PTPRA: variants seen among roughly 807,000 people sequenced by gnomAD.
PTPRA encodes receptor-type tyrosine-protein phosphatase alpha.
PTPRA carries 25 observed loss-of-function variants against 104.8 expected under a neutral mutation model. The ratio of observed to expected loss-of-function variants is 0.24; its 90% CI spans 0.17 to 0.33. The LOEUF is 0.33. PTPRA is among the 10% of genes least tolerant of loss of function. The pLI, the probability that PTPRA is intolerant of heterozygous loss-of-function variation, is 1.00. For missense variants in PTPRA, 765 were observed against 1,015.3 expected (o/e 0.75, Z 3.35); for synonymous variants, 323 against 368.9 (o/e 0.88, Z 1.43).
intron 5 of PTPRA, among the ~76,000 whole-genome samples, chr20:2,974,429 A>AT (rs201543217): frequency 0.089 from 12,255 of 137,476 alleles, 1,190 homozygotes; most frequent in African/African-American, 0.24. Flanking sequence ...TTTGGTTTTG[A>AT]TTTTTTTTTT....
intron 1 of PTPRA, among the ~76,000 whole-genome samples, chr20:2,882,324 C>T (rs1205985916): frequency 1.3e-4 from 15 of 116,906 alleles, no homozygotes; most frequent in African/African-American, 1.8e-4. Flanking sequence ...CAGTTTTGTT[C>T]TGTCACCCAG....
At chr20:2,972,528 C>G (rs1440199388) in intron 5 of PTPRA, among the ~76,000 whole-genome samples, 1 of 152,186 alleles carries the variant, frequency 6.6e-6, no homozygotes, top group Non-Finnish European at 1.5e-5. Flanking sequence ...CTGTAACAAG[C>G]TGTTGCAGTC....
At chr20:2,897,929 T>G (rs1215307448) in intron 1 of PTPRA, among the ~76,000 whole-genome samples, 1 of 132,324 alleles carries the variant, frequency 7.6e-6, no homozygotes. Flanking sequence ...TTTTTTTTTT[T>G]GAGACAGAGT....
chr20:2,926,769 C>CTTTTTTTTTTTCTTTTTTTTT (rs2060312069), intron 2 of PTPRA, among the ~76,000 whole-genome samples: 1 of 85,020 alleles, frequency 1.2e-5, no homozygotes. Flanking sequence ...TTTCCTTTTC[C>CTTTTTTTTTTTCTTTTTTTTT]TTTTTTTTTT....
At chr20:2,908,879 AAC>A (rs1487968076) in intron 1 of PTPRA, among the ~76,000 whole-genome samples, 1 of 152,240 alleles carries the variant, frequency 6.6e-6, no homozygotes, top group African/African-American at 2.4e-5. Flanking sequence ...AGTTACTGAT[AAC>A]AGTTATGCAT....
chr20:2,989,159 G>A (rs548702228), intron 9 of PTPRA, among the ~76,000 whole-genome samples: 1 of 152,354 alleles, frequency 6.6e-6, no homozygotes, highest in South Asian at 2.1e-4. Context: ...CTTCTGGCCA[G>A]CACGGTGACT....
chr20:2,973,133 C>CT (rs200708559), intron 5 of PTPRA, among the ~76,000 whole-genome samples: 10,937 of 144,420 alleles, frequency 0.076, 517 homozygotes, highest in Admixed American at 0.12. Flanking sequence ...TTTATGTCTC[C>CT]TTTTTTTTTT....
chr20:2,867,495 C>A, the PTPRA span, among the ~76,000 whole-genome samples: 1 of 102,912 alleles, frequency 9.7e-6, no homozygotes, highest in African/African-American at 5.0e-5. Context: ...CTCCAGTGCA[C>A]CCCCTCTGCT....
At chr20:2,933,331 T>G (rs1012876850) in intron 2 of PTPRA, among the ~76,000 whole-genome samples, 4 of 152,214 alleles carry the variant, frequency 2.6e-5, no homozygotes, top group Admixed American at 2.0e-4. Context: ...TGGTTGTGTT[T>G]GTACTTACTA....
At chr20:3,020,194 C>T (rs1026714073) in intron 13 of PTPRA, among the ~76,000 whole-genome samples, 4 of 152,130 alleles carry the variant, frequency 2.6e-5, no homozygotes, top group South Asian at 2.1e-4. Flanking sequence ...CTGCAAGCTC[C>T]GCCTCCCGGG....
intron 1 of PTPRA, among the ~76,000 whole-genome samples, chr20:2,900,858 A>G: frequency 1.3e-5 from 1 of 75,988 alleles, no homozygotes; most frequent in South Asian, 6.4e-4. Context: ...ACTCCATCTC[A>G]AAAAAAAAAA....
intron 9 of PTPRA, among the ~76,000 whole-genome samples, chr20:2,991,341 G>GA: frequency 6.6e-6 from 1 of 151,414 alleles, no homozygotes; most frequent in African/African-American, 2.4e-5. Context: ...CTCCAGCCTG[G>GA]GCGACAAGAG....
chr20:2,966,612 T>G lies in PTPRA; in HGVS notation c.415+1410T>G, dbSNP rs141191570. Among the ~76,000 whole-genome samples, 850 of 152,354 alleles carry G rather than the reference T, an allele frequency of 5.6e-3. 7 individuals are homozygous for G. The highest frequency in any genetic ancestry group is 0.019 in the African/African-American group (792 of 41,578). On this transcript the variant is annotated intron_variant, in intron 5 of 23. Transcript: ENST00000399903. ...TTTGTGCTTTAGAGTTAATGTAGTT[T>G]TGTCATAGTTATTACTGTGTGCTAG...
intron 3 of PTPRA, among the ~76,000 whole-genome samples, chr20:2,958,076 A>G (rs2061602665): frequency 6.6e-6 from 1 of 152,150 alleles, no homozygotes; most frequent in South Asian, 2.1e-4. Flanking sequence ...GAATGATTGA[A>G]CTGACACCAA....
At chr20:2,975,847 A>AAG (rs575439324) in intron 6 of PTPRA, among the ~76,000 whole-genome samples, 216 of 152,340 alleles carry the variant, frequency 1.4e-3, no homozygotes, top group African/African-American at 4.9e-3. Flanking sequence ...GAGAAAGAGA[A>AAG]AGAGATCATC....
At chr20:2,929,178 C>A (rs2060418320) in intron 2 of PTPRA, among the ~76,000 whole-genome samples, 1 of 151,844 alleles carries the variant, frequency 6.6e-6, no homozygotes, top group Non-Finnish European at 1.5e-5. Flanking sequence ...TCTTGAACTC[C>A]TAGGCTCAAG....
At chr20:2,952,307 T>C (rs2061380657) in intron 3 of PTPRA, among the ~76,000 whole-genome samples, 1 of 152,210 alleles carries the variant, frequency 6.6e-6, no homozygotes, top group African/African-American at 2.4e-5. Flanking sequence ...TTTATTTTCC[T>C]AATGATTAAT....
At chr20:2,875,312 C>G (rs891288385) in intron 1 of PTPRA, among the ~76,000 whole-genome samples, 5 of 152,304 alleles carry the variant, frequency 3.3e-5, no homozygotes, top group African/African-American at 1.2e-4. Context: ...CTCCAAAAAA[C>G]TGTCTCTGAA....
chr20:3,036,445 C>T (rs950707433), intron 22 of PTPRA, among the ~76,000 whole-genome samples: 6 of 152,216 alleles, frequency 3.9e-5, no homozygotes, highest in African/African-American at 7.2e-5. Flanking sequence ...TGGCCAGGGC[C>T]GGGAGAGGAT....
Sources: gnomAD v4.1 joint callset for allele counts (sites outside exome capture counted in the v4.1 genomes callset) on GRCh38, gnomAD v4.1.1 for gene constraint, MANE v1.5 for transcripts, NCBI Gene and HGNC (gene_info 2026-07-23, HGNC 2026-07-21) for gene names.